TDRD12: variants seen among roughly 807,000 people sequenced by gnomAD.
The protein encoded by TDRD12 is tudor domain containing 12.
A neutral mutation model predicts 133.5 loss-of-function variants in TDRD12; 158 were observed. That is an observed-to-expected ratio of 1.18 (90% confidence interval 1.04 to 1.35). TDRD12 has a LOEUF of 1.35. Among genes scored for constraint, TDRD12 ranks in the 40% most tolerant of loss-of-function variants. The pLI is 0.00. For synonymous variants in TDRD12, 460 were observed against 477.9 expected (o/e 0.96, Z 0.49); for missense variants, 1,443 against 1,321.3 (o/e 1.09, Z -1.43).
intron 10 of TDRD12, among the ~76,000 whole-genome samples, chr19:32,775,880 T>A (rs1176562485): frequency 6.6e-6 from 1 of 152,150 alleles, no homozygotes; most frequent in African/African-American, 2.4e-5. Flanking sequence ...ATATTTTGAA[T>A]GTTATGTTGC....
At chr19:32,744,963 C>A (rs1399223017) in intron 4 of TDRD12, among the ~76,000 whole-genome samples, 3 of 152,204 alleles carry the variant, frequency 2.0e-5, no homozygotes, top group Admixed American at 6.5e-5. Flanking sequence ...CCCACAGTTT[C>A]CTTGTGGTGG....
At chr19:32,796,597 A>G (rs2145682274) in intron 14 of TDRD12, among the ~76,000 whole-genome samples, 1 of 152,264 alleles carries the variant, frequency 6.6e-6, no homozygotes, top group South Asian at 2.1e-4. Context: ...AAAAAAAAAA[A>G]AAGTTGCATC....
intron 11 of TDRD12, among the ~76,000 whole-genome samples, chr19:32,790,316 A>G (rs1164759808): frequency 2.0e-5 from 3 of 152,214 alleles, no homozygotes; most frequent in African/African-American, 7.2e-5. Flanking sequence ...GGCCCCTCAG[A>G]TACTCTCAGG....
intron 26 of TDRD12, among the ~76,000 whole-genome samples, chr19:32,815,974 C>G (rs543026728): frequency 6.6e-6 from 1 of 150,584 alleles, no homozygotes; most frequent in African/African-American, 2.5e-5. Context: ...AGCCTGGCGA[C>G]AGAGTGAGAC....
intron 8 of TDRD12, among the ~76,000 whole-genome samples, chr19:32,763,515 A>G (rs1970208831): frequency 6.6e-6 from 1 of 151,860 alleles, no homozygotes; most frequent in Non-Finnish European, 1.5e-5. Context: ...GTTCTGATAA[A>G]CTCCAGTAGT....
At chr19:32,800,545 T>C in intron 17 of TDRD12, 99 bp from the exon 18 acceptor site, 1 of 1,045,000 alleles carries the variant, frequency 9.6e-7, no homozygotes, top group South Asian at 2.0e-5. Flanking sequence ...ATTGATTTCC[T>C]ATACATTCTT....
chr19:32,729,358 C>T (rs1169694815), intron 1 of TDRD12, among the ~76,000 whole-genome samples: 1 of 151,116 alleles, frequency 6.6e-6, no homozygotes, highest in East Asian at 2.0e-4. Flanking sequence ...GCTGGGACTA[C>T]GGGTATCTGC....
chr19:32,816,290 G>A (rs1447700807), intron 26 of TDRD12, among the ~76,000 whole-genome samples: 1 of 152,158 alleles, frequency 6.6e-6, no homozygotes, highest in Non-Finnish European at 1.5e-5. Flanking sequence ...AAGAAACAGA[G>A]CCTGGCTCAG....
exon 21 of TDRD12, chr19:32,802,923 G>A (rs1016199515): frequency 6.5e-7 from 1 of 1,533,980 alleles, no homozygotes; most frequent in African/African-American, 1.4e-5. Flanking sequence ...AATTTTCAGG[G>A]TTCTCCTGCA....
At position 32,741,827 on chromosome 19, in the gene TDRD12, C is replaced by T. The variant is rs533819198; in HGVS notation, c.321-954C>T. Among the ~76,000 whole-genome samples, 3 of 152,230 alleles carry T rather than the reference C, an allele frequency of 2.0e-5. No individual in the cohort carries two copies. In the East Asian group the frequency reaches 5.8e-4, roughly 29 times the overall value. Reference sequence around the variant, plus strand: ...CTTTGGAAGGCCAAGGCAGGAGGATCGCTTGAGGCCAGGAGTTCAAGACCA... The same window carrying T: ...CTTTGGAAGGCCAAGGCAGGAGGATTGCTTGAGGCCAGGAGTTCAAGACCA... On this transcript the variant is annotated intron_variant, in intron 3 of 27. Coordinates refer to ENST00000444215, the Ensembl canonical transcript of TDRD12.
At chr19:32,753,502 C>T (rs1218091716) in intron 6 of TDRD12, among the ~76,000 whole-genome samples, 2 of 151,650 alleles carry the variant, frequency 1.3e-5, no homozygotes, top group Non-Finnish European at 2.9e-5. Flanking sequence ...CATGCCTGGC[C>T]TCTTATTCTT....
chr19:32,777,338 C>CA, intron 11 of TDRD12, 109 bp downstream of exon 11: 1 of 756,232 alleles, frequency 1.3e-6, no homozygotes, highest in Non-Finnish European at 2.0e-6. Context: ...GCATTCCCAT[C>CA]AAAAAATAAA....
At position 32,818,845 on chromosome 19, in the gene TDRD12, C is replaced by T. The variant is rs747571603; in HGVS notation, c.3383+688C>T. On this transcript the variant is annotated intron_variant, in intron 27 of 27. Transcript: ENST00000444215. ...AGCCCAGGTGCAGCTGCAGACCCAG[C>T]GAGTGAGGACCAAGACAGACAGCTG... Among the ~76,000 whole-genome samples the T allele has an allele frequency of 9.7e-4, 147 of 151,688 alleles. 1 individual carries two copies. The highest frequency in any genetic ancestry group is 1.5e-3 in the Non-Finnish European group (100 of 68,010).
At chr19:32,824,756 C>A (rs777523907), downstream of TDRD12, among the ~76,000 whole-genome samples, 27 of 151,834 alleles carry the variant, frequency 1.8e-4, no homozygotes, top group Non-Finnish European at 2.2e-4. Context: ...GCCGCCCTTT[C>A]TTCCTCCAGC....
intron 22 of TDRD12, among the ~76,000 whole-genome samples, chr19:32,808,034 G>T (rs1391160753): frequency 1.3e-5 from 2 of 151,766 alleles, no homozygotes; most frequent in African/African-American, 4.8e-5. Context: ...GACCAGCCTG[G>T]GCAACATAGT....
intron 8 of TDRD12, among the ~76,000 whole-genome samples, chr19:32,769,689 T>G (rs1970391349): frequency 6.6e-6 from 1 of 151,944 alleles, no homozygotes; most frequent in Non-Finnish European, 1.5e-5. Flanking sequence ...CAGGCTAGAG[T>G]GCAATGGCAC....
intron 6 of TDRD12, among the ~76,000 whole-genome samples, chr19:32,751,794 C>T (rs762517482): frequency 1.3e-5 from 2 of 152,040 alleles, no homozygotes; most frequent in Non-Finnish European, 2.9e-5. Flanking sequence ...GCAGTCTTCT[C>T]GCCTTGTCCT....
At chr19:32,733,622 A>C (rs1969128964) in intron 2 of TDRD12, among the ~76,000 whole-genome samples, 1 of 152,144 alleles carries the variant, frequency 6.6e-6, no homozygotes, top group Non-Finnish European at 1.5e-5. Context: ...GTTTTCAGTG[A>C]TGCTGAGATT....
At chr19:32,733,484 A>T (rs1443476999) in intron 2 of TDRD12, among the ~76,000 whole-genome samples, 2 of 151,506 alleles carry the variant, frequency 1.3e-5, no homozygotes, top group African/African-American at 4.9e-5. Context: ...AAAAAAAAAA[A>T]TGTATATGTG....
Sources: allele counts gnomAD v4.1 joint callset (sites outside exome capture counted in the v4.1 genomes callset), GRCh38; gene constraint gnomAD v4.1.1; transcripts MANE v1.5; gene names NCBI Gene and HGNC (gene_info 2026-07-23, HGNC 2026-07-21).